Variants in SEMA3A observed in about 807,000 individuals in gnomAD.
The protein encoded by SEMA3A is semaphorin 3A.
SEMA3A carries 29 observed loss-of-function variants against 97.9 expected under a neutral mutation model. The ratio of observed to expected loss-of-function variants is 0.30; its 90% CI spans 0.22 to 0.40. SEMA3A has a LOEUF of 0.40. Ranked by LOEUF, SEMA3A falls within the 10% of genes least tolerant of loss-of-function variation. The pLI is 1.00. For synonymous variants in SEMA3A, 321 were observed against 323.7 expected, an observed-to-expected ratio of 0.99 and a Z score of 0.09; for missense variants, 763 against 951.3, an observed-to-expected ratio of 0.80 and a Z score of 2.60.
At chr7:84,199,480 C>T (rs1798305921), upstream of SEMA3A, among the ~76,000 whole-genome samples, 1 of 151,958 alleles carries the variant, frequency 6.6e-6, no homozygotes, top group South Asian at 2.1e-4. Flanking sequence ...GTACTAAAAA[C>T]ACAAATTTTA....
rs75726760 is a variant in SEMA3A at position 84,292,950 on chromosome 7, T to A, written c.-83+14257A>T. 5.7e-3 allele frequency among the ~76,000 whole-genome samples: 861 copies of A among 152,204 alleles called. 37 individuals carry two copies. The East Asian group carries it at 0.11, about 19-fold the overall frequency. ...GAGGCCTAAATGGTAAATATATTAA[T>A]GTATGTATAAGAAACTAATTTACAT... On this transcript the variant is annotated intron_variant, in intron 3 of 3. Coordinates refer to the SEMA3A transcript ENST00000424555.
At chr7:84,431,690 GAAT>G (rs1804985695) in intron 1 of SEMA3A, among the ~76,000 whole-genome samples, 1 of 151,596 alleles carries the variant, frequency 6.6e-6, no homozygotes, top group African/African-American at 2.4e-5. Context: ...AAGAATTATT[GAAT>G]AATAGATAAA....
At chr7:84,001,872 C>A (rs1790467462) in intron 12 of SEMA3A, 83 bp downstream of exon 12, 3 of 866,084 alleles carry the variant, frequency 3.5e-6, no homozygotes, top group African/African-American at 1.7e-5. Context: ...GACTACTTGT[C>A]CATACCAAGT....
chr7:84,405,704 C>G (rs912493171), intron 1 of SEMA3A, among the ~76,000 whole-genome samples: 2 of 152,248 alleles, frequency 1.3e-5, no homozygotes, highest in Admixed American at 1.3e-4. Flanking sequence ...TCTCTCAGAC[C>G]ACAGTGCAAT....
intron 1 of SEMA3A, among the ~76,000 whole-genome samples, chr7:84,404,918 T>G (rs1195377727): frequency 6.6e-6 from 1 of 151,202 alleles, no homozygotes; most frequent in Non-Finnish European, 1.5e-5. Flanking sequence ...AAGGAACAAC[T>G]GGTACCAGCC....
intron 2 of SEMA3A, among the ~76,000 whole-genome samples, chr7:84,336,759 C>T (rs1802046800): frequency 6.6e-6 from 1 of 152,028 alleles, no homozygotes; most frequent in Non-Finnish European, 1.5e-5. Context: ...ATACATATTC[C>T]AATTACATAT....
chr7:84,056,334 G>A (rs2115661641), intron 5 of SEMA3A, among the ~76,000 whole-genome samples: 1 of 152,276 alleles, frequency 6.6e-6, no homozygotes, highest in East Asian at 1.9e-4. Flanking sequence ...TCAAAATGAA[G>A]TAAAAATGTG....
chr7:84,335,032 C>A (rs1802003549), intron 2 of SEMA3A, among the ~76,000 whole-genome samples: 1 of 152,058 alleles, frequency 6.6e-6, no homozygotes, highest in Non-Finnish European at 1.5e-5. Flanking sequence ...ATATTTTCTA[C>A]TATAAATGCT....
intron 1 of SEMA3A, among the ~76,000 whole-genome samples, chr7:84,403,984 C>T (rs969317824): frequency 4.6e-5 from 7 of 152,116 alleles, no homozygotes; most frequent in African/African-American, 9.7e-5. Context: ...AAAATCAGAG[C>T]GCCTCTCCTC....
chr7:84,253,710 C>T (rs967559624), intron 3 of SEMA3A, among the ~76,000 whole-genome samples: 14 of 152,014 alleles, frequency 9.2e-5, no homozygotes, highest in Admixed American at 5.2e-4. Flanking sequence ...AGGGCAAATG[C>T]TGTAAGAGAG....
At chr7:84,404,678 A>T (rs922131731) in intron 1 of SEMA3A, among the ~76,000 whole-genome samples, 1 of 152,246 alleles carries the variant, frequency 6.6e-6, no homozygotes, top group African/African-American at 2.4e-5. Flanking sequence ...GAAGCCCATC[A>T]GACTAACAGC....
chr7:84,213,040 C>T (rs1356050702), intron 3 of SEMA3A, among the ~76,000 whole-genome samples: 1 of 152,190 alleles, frequency 6.6e-6, no homozygotes, highest in South Asian at 2.1e-4. Flanking sequence ...CTTGGCTCAT[C>T]GCAACCTCTG....
At chr7:84,469,261 T>C (rs1446163786) in intron 1 of SEMA3A, among the ~76,000 whole-genome samples, 2 of 152,200 alleles carry the variant, frequency 1.3e-5, no homozygotes, top group Admixed American at 6.5e-5. Context: ...GCTATCCCAT[T>C]CAACTGTAAC....
At chr7:84,310,740 C>T (rs1801292625) in intron 2 of SEMA3A, among the ~76,000 whole-genome samples, 1 of 151,924 alleles carries the variant, frequency 6.6e-6, no homozygotes, top group Non-Finnish European at 1.5e-5. Flanking sequence ...TGGTCATTTT[C>T]TTTTAAAATA....
chr7:84,301,051 A>G (rs1801004825), intron 3 of SEMA3A, among the ~76,000 whole-genome samples: 1 of 152,108 alleles, frequency 6.6e-6, no homozygotes, highest in South Asian at 2.1e-4. Context: ...AAAATTCAAT[A>G]AAAATTCAGG....
intron 3 of SEMA3A, among the ~76,000 whole-genome samples, chr7:84,250,833 T>C (rs960712748): frequency 2.0e-5 from 3 of 152,264 alleles, no homozygotes; most frequent in Non-Finnish European, 4.4e-5. Flanking sequence ...AATTTTATTC[T>C]GATTTCATCA....
intron 3 of SEMA3A, among the ~76,000 whole-genome samples, chr7:84,227,770 C>T (rs1322713624): frequency 6.6e-6 from 1 of 151,986 alleles, no homozygotes; most frequent in Non-Finnish European, 1.5e-5. Context: ...AAATAACTCC[C>T]CCACCAGACT....
intron 5 of SEMA3A, among the ~76,000 whole-genome samples, chr7:84,049,120 G>T (rs1350529798): frequency 6.6e-6 from 1 of 152,100 alleles, no homozygotes; most frequent in Non-Finnish European, 1.5e-5. Flanking sequence ...TATGACTAAA[G>T]GAGAATTAAA....
intron 15 of SEMA3A, among the ~76,000 whole-genome samples, chr7:83,966,170 A>C (rs896420368): frequency 2.6e-5 from 4 of 152,048 alleles, no homozygotes; most frequent in Admixed American, 6.6e-5. Context: ...AAAACATGTA[A>C]AAATAGTTCT....
Sources: gnomAD v4.1 joint callset for allele counts (sites outside exome capture counted in the v4.1 genomes callset) on GRCh38, gnomAD v4.1.1 for gene constraint, MANE v1.5 for transcripts, NCBI Gene and HGNC (gene_info 2026-07-23, HGNC 2026-07-21) for gene names.